IL2RB: variants seen among roughly 807,000 people sequenced by gnomAD.
The protein encoded by IL2RB is interleukin 2 receptor subunit beta, also known as interleukin-2 receptor subunit beta.
IL2RB carries 17 observed loss-of-function variants against 44.2 expected under a neutral mutation model. The ratio of observed to expected loss-of-function variants is 0.38; its 90% CI spans 0.26 to 0.58. IL2RB has a LOEUF of 0.58. Ranked by LOEUF, IL2RB falls within the 20% of genes least tolerant of loss-of-function variation. The pLI is 0.63. For synonymous variants in IL2RB, 286 were observed against 297.9 expected, an observed-to-expected ratio of 0.96 and a Z score of 0.41; for missense variants, 624 against 685.5, an observed-to-expected ratio of 0.91 and a Z score of 1.00.
chr22:37,172,906 G>A (rs1250721409), intron 1 of IL2RB, among the ~76,000 whole-genome samples: 3 of 152,108 alleles, frequency 2.0e-5, no homozygotes, highest in Non-Finnish European at 4.4e-5. Context: ...GAGAACCACC[G>A]AAAGAGCTAG....
chr22:37,161,232 C>T (rs1922857939), intron 1 of IL2RB, among the ~76,000 whole-genome samples: 2 of 152,200 alleles, frequency 1.3e-5, no homozygotes, highest in Admixed American at 6.5e-5. Context: ...TCCACCACCA[C>T]AGCCGGCCCA....
chr22:37,158,018 G>A (rs573058168), intron 1 of IL2RB, among the ~76,000 whole-genome samples: 21 of 152,316 alleles, frequency 1.4e-4, no homozygotes, highest in South Asian at 4.1e-4. Context: ...CCCTGCTGGC[G>A]TGGGCTTCAA....
upstream of IL2RB, among the ~76,000 whole-genome samples, chr22:37,154,612 T>C (rs1267366902): frequency 6.6e-6 from 1 of 151,210 alleles, no homozygotes; most frequent in African/African-American, 2.4e-5. Flanking sequence ...AATCTTGCTC[T>C]GTAGCCAGGC....
intron 1 of IL2RB, among the ~76,000 whole-genome samples, chr22:37,165,706 A>AATTTT (rs201691123): frequency 0.12 from 17,874 of 150,772 alleles, 1,481 homozygotes; most frequent in East Asian, 0.29. Flanking sequence ...AATTTAATTT[A>AATTTT]ATTTTATTAT....
At chr22:37,144,849 T>A (rs1432042735) in intron 1 of IL2RB, among the ~76,000 whole-genome samples, 2 of 152,338 alleles carry the variant, frequency 1.3e-5, no homozygotes, top group South Asian at 4.1e-4. Flanking sequence ...TTTTCCTCTA[T>A]CTCTCTTCAC....
upstream of IL2RB, among the ~76,000 whole-genome samples, chr22:37,154,785 A>G (rs1922620877): frequency 6.6e-6 from 1 of 152,104 alleles, no homozygotes; most frequent in Non-Finnish European, 1.5e-5. Flanking sequence ...CATGTTGGCC[A>G]GGACGGTCTC....
rs1601592950 is a variant in IL2RB at position 37,127,936 on chromosome 22, G to A, written c.*160C>T. ...AGCAGTGGAGGTTTGGAAATGGATG[G>A]ACCAAGTGTGCAGGACTGGGTGGGG... is the stretch of plus-strand genomic sequence containing the variant. On this transcript the variant is annotated 3_prime_UTR_variant, in exon 10 of 10. Coordinates refer to ENST00000216223, the MANE Select transcript of IL2RB (RefSeq NM_000878.5). The A allele has an allele frequency of 2.1e-6, 1 of 486,550 alleles. No homozygotes were observed. The highest frequency in any genetic ancestry group is 3.4e-6 in the Non-Finnish European group (1 of 294,098). The allele number at this position is 486,550 out of a possible 1,614,324, so 30.1% of individuals were successfully genotyped here.
At chr22:37,170,216 A>G (rs229497) in intron 1 of IL2RB, among the ~76,000 whole-genome samples, 138,700 of 152,068 alleles carry the variant, frequency 0.91, 64,260 homozygotes, top group East Asian at 1. Context: ...GCCAGAACAC[A>G]GCAGAAAGGC....
chr22:37,131,169 A>AAAAT lies in IL2RB; in HGVS notation c.903+1211_903+1214dup, dbSNP rs143390835. On this transcript the variant is annotated intron_variant, in intron 9 of 9. Transcript: ENST00000216223. ...ACGACAGAGCAAGACTCCATCTCAA[A>AAAAT]AAATAAATAAATAAATAAATAAATA... Among the ~76,000 whole-genome samples the AAAAT allele has an allele frequency of 3.9e-3, 584 of 150,936 alleles. 1 individual carries two copies. The highest frequency in any genetic ancestry group is 0.011 in the African/African-American group (442 of 40,998).
chr22:37,153,738 C>T (rs1331134640), upstream of IL2RB, among the ~76,000 whole-genome samples: 1 of 152,200 alleles, frequency 6.6e-6, no homozygotes, highest in African/African-American at 2.4e-5. Context: ...TTAGGAAGGA[C>T]GCTTTTCTCT....
chr22:37,135,220 G>GTA (rs1921623285), intron 8 of IL2RB, 108 bp downstream of exon 8: 1 of 736,276 alleles, frequency 1.4e-6, no homozygotes, highest in South Asian at 1.6e-5. Context: ...TCATGTAAGT[G>GTA]TGTGTGTGTG....
chr22:37,129,063 C>T (rs1601594001), intron 9 of IL2RB, among the ~76,000 whole-genome samples: 1 of 152,234 alleles, frequency 6.6e-6, no homozygotes, highest in East Asian at 1.9e-4. Context: ...GGGACACTGC[C>T]TGACCCACAG....
At position 37,137,749 on chromosome 22, in the gene IL2RB, G is replaced by T. The variant is rs367622513; in HGVS notation, c.389-14C>A. On this transcript the variant is annotated splice_polypyrimidine_tract_variant and intron_variant, in intron 5 of 9. Transcript: ENST00000216223. ...CCATCAGGCGAACTGGAGACAACAG[G>T]GGGTAGGGGAGAGCAGTCAGCCATG... The T allele has an allele frequency of 9.2e-5, 148 of 1,611,708 alleles. No individual in the cohort carries two copies. Among genetic ancestry groups the T allele is most frequent in the African/African-American group, 1.5e-4 (11 of 74,762 alleles).
intron 1 of IL2RB, among the ~76,000 whole-genome samples, chr22:37,157,465 C>G (rs1922719573): frequency 6.6e-6 from 1 of 152,224 alleles, no homozygotes; most frequent in South Asian, 2.1e-4. Context: ...CACACCAGCA[C>G]CAGCGCCCTG....
chr22:37,142,374 G>A lies in IL2RB; in HGVS notation c.282+60C>T, dbSNP rs376142164. 3.8e-5 allele frequency: 57 copies of A among 1,497,616 alleles called. No homozygotes were observed. In the African/African-American group the frequency reaches 5.8e-4, roughly 15 times the overall value. 92.8% of individuals were successfully genotyped at this position (1,497,616 alleles called of 1,614,324 possible). On this transcript the variant is annotated intron_variant, in intron 4 of 9. Coordinates refer to ENST00000216223, the MANE Select transcript of IL2RB (RefSeq NM_000878.5). Reference sequence around the variant, plus strand: ...CTGGCATCCGGCCCACCCTGAGATCGCAGCCCGGAGCTGGGAGACCACCCT... The same window carrying A: ...CTGGCATCCGGCCCACCCTGAGATCACAGCCCGGAGCTGGGAGACCACCCT...
chr22:37,168,180 C>T (rs753330956), intron 1 of IL2RB, among the ~76,000 whole-genome samples: 1 of 152,200 alleles, frequency 6.6e-6, no homozygotes, highest in Non-Finnish European at 1.5e-5. Context: ...AGAGTAAATA[C>T]ATGTGATTTG....
Position 37,143,466 on chromosome 22 carries a change from C to G in IL2RB, c.203+55G>C, listed in dbSNP as rs1601602969. 6 of 1,203,786 alleles carry G rather than the reference C, an allele frequency of 5.0e-6. No homozygotes were observed. The East Asian group carries it at 1.4e-4, about 28-fold the overall frequency. 74.6% of individuals were successfully genotyped at this position (1,203,786 alleles called of 1,614,324 possible). On this transcript the variant is annotated intron_variant, in intron 3 of 9. Transcript: ENST00000216223. ...CTCCTTGGAGTCCAGTGCATAGGATCCAGAATATGAGATCCCACCATCCTA... is the reference window on the plus strand; with the variant it reads ...CTCCTTGGAGTCCAGTGCATAGGATGCAGAATATGAGATCCCACCATCCTA...
intron 1 of IL2RB, among the ~76,000 whole-genome samples, chr22:37,168,659 G>A (rs780253140): frequency 4.6e-5 from 7 of 152,348 alleles, no homozygotes; most frequent in African/African-American, 9.6e-5. Flanking sequence ...GAGGAAGGCT[G>A]GGTTCTTCCT....
At chr22:37,135,206 G>A in intron 8 of IL2RB, 122 bp downstream of exon 8, 1 of 686,918 alleles carries the variant, frequency 1.5e-6, no homozygotes, top group Non-Finnish European at 2.6e-6. Context: ...AAGGTGGCAT[G>A]TGTTCATGTA....
Sources: gnomAD v4.1 joint callset for allele counts (sites outside exome capture counted in the v4.1 genomes callset) on GRCh38, gnomAD v4.1.1 for gene constraint, MANE v1.5 for transcripts, NCBI Gene and HGNC (gene_info 2026-07-23, HGNC 2026-07-21) for gene names.